The following NRXN2 variants were observed in gnomAD, a reference collection of about 807,000 sequenced individuals.
NRXN2 encodes neurexin 2.
A neutral mutation model predicts 128.8 loss-of-function variants in NRXN2; 29 were observed. The observed-to-expected ratio is 0.23, with a 90% CI of 0.17 to 0.31. The LOEUF (loss-of-function observed/expected upper bound fraction) is 0.31. Ranked by LOEUF, NRXN2 falls within the 10% of genes least tolerant of loss-of-function variation. NRXN2 has a pLI of 1.00. For synonymous variants in NRXN2, 1,098 were observed against 1,075.2 expected (o/e 1.02, Z -0.41); for missense variants, 1,881 against 2,452.6 (o/e 0.77, Z 4.92).
At position 64,713,662 on chromosome 11, in the gene NRXN2, G is replaced by T; in HGVS notation, c.38C>A (p.Pro13Gln). Residue 13 changes from proline (P) to glutamine (Q), a missense_variant, in exon 2 of 23, where the codon CCG becomes CAG. Physicochemically the swap from Pro to Gln is moderately conservative, Grantham distance 76. Around this residue, in one of 7 missense-constraint regions of NRXN2, gnomAD observed 997 missense variants for 1,240.8 expected, o/e 0.80. Coordinates refer to ENST00000265459, the MANE Select transcript of NRXN2 (RefSeq NM_015080.4). ...CGCCAGCAGCAGCAGCAACAGCAGC[G>T]GCGGCGGTGTCGGCCGCCACCGGCT... is the stretch of plus-strand genomic sequence containing the variant. ...SGSRWRPTPPPLLLLLLLALA... is the reference protein window; with the variant it reads ...SGSRWRPTPPQLLLLLLLALA... 8.4e-7 allele frequency: 1 copy of T among 1,194,752 alleles called. No individual in the cohort carries two copies. Among genetic ancestry groups the T allele is most frequent in the Non-Finnish European group, 1.0e-6 (1 of 963,500 alleles). The allele number at this position is 1,194,752 out of a possible 1,614,324, so 74.0% of individuals were successfully genotyped here.
At chr11:64,676,878 G>A (rs1416302343) in intron 7 of NRXN2, 115 bp downstream of exon 7, 2 of 801,924 alleles carry the variant, frequency 2.5e-6, no homozygotes, top group Non-Finnish European at 4.3e-6. Context: ...AAAAACAATT[G>A]GAAGAGCAAA....
intron 2 of NRXN2, among the ~76,000 whole-genome samples, chr11:64,702,139 G>A (rs2055541646): frequency 7.2e-6 from 1 of 139,840 alleles, no homozygotes; most frequent in African/African-American, 2.7e-5. Context: ...GGGGGGGTCA[G>A]CCCCCCACCC....
intron 2 of NRXN2, among the ~76,000 whole-genome samples, chr11:64,711,543 C>A (rs1310009795): frequency 6.6e-6 from 1 of 152,092 alleles, no homozygotes. Flanking sequence ...AGGACCCGCC[C>A]GCACTTCACC....
At chr11:64,699,992 A>C (rs2055107747) in intron 2 of NRXN2, among the ~76,000 whole-genome samples, 1 of 152,224 alleles carries the variant, frequency 6.6e-6, no homozygotes, top group Non-Finnish European at 1.5e-5. Context: ...AAGGTGAAAC[A>C]ACCAGGCTTG....
At position 64,607,778 on chromosome 11, in the gene NRXN2, C is replaced by G; in HGVS notation, c.4557G>C (p.Leu1519=). The change falls in exon 23 of 23, where the codon CTG becomes CTC. Residue 1519 remains leucine (L), a synonymous_variant. Transcript: ENST00000265459. ...DDEDFYTTFP[L]VTDRTTLLSP... ...ACAGGAGGGTGGTGCGGTCCGTGACCAGGGGAAAGGTGGTGTAAAAGTCCT... is the reference window on the plus strand; with the variant it reads ...ACAGGAGGGTGGTGCGGTCCGTGACGAGGGGAAAGGTGGTGTAAAAGTCCT... 1 of 1,594,642 alleles carries G rather than the reference C, an allele frequency of 6.3e-7. No homozygotes were observed. The highest frequency in any genetic ancestry group is 8.5e-7 in the Non-Finnish European group (1 of 1,171,210).
intron 21 of NRXN2, among the ~76,000 whole-genome samples, chr11:64,621,385 T>C (rs977627060): frequency 1.3e-5 from 2 of 152,024 alleles, no homozygotes; most frequent in Non-Finnish European, 2.9e-5. Context: ...TTGGGCATGG[T>C]GGGTACCCAG....
At chr11:64,629,517 G>A (rs2043559670) in intron 19 of NRXN2, among the ~76,000 whole-genome samples, 1 of 152,018 alleles carries the variant, frequency 6.6e-6, no homozygotes, top group Non-Finnish European at 1.5e-5. Context: ...CTCATTCTAA[G>A]GCTCTGTCTC....
intron 17 of NRXN2, chr11:64,642,901 G>T: frequency 9.7e-7 from 1 of 1,031,336 alleles, no homozygotes; most frequent in African/African-American, 1.7e-5. Context: ...CGAGCTCCGG[G>T]AGCGGGGTAG....
rs547443329 is a variant in NRXN2 at position 64,718,149 on chromosome 11, C to T, written c.-244-4206G>A. ...TTGCACTTGCTGACCTAGACCTGGG[C>T]CCTCCAACCTGACCAAAGGCCTCAG... On this transcript the variant is annotated intron_variant, in intron 1 of 22. Transcript: ENST00000265459. 4.0e-4 allele frequency among the ~76,000 whole-genome samples: 61 copies of T among 152,312 alleles called. No individual in the cohort carries two copies. In the South Asian group the frequency reaches 0.012, roughly 30 times the overall value.
chr11:64,677,122 G>T, intron 6 of NRXN2, 85 bp from the exon 7 acceptor site: 1 of 956,298 alleles, frequency 1.0e-6, no homozygotes, highest in Non-Finnish European at 1.6e-6. Context: ...AGAATGAAAA[G>T]AAAAGAAAAA....
intron 6 of NRXN2, among the ~76,000 whole-genome samples, chr11:64,680,500 G>A (rs950415452): frequency 6.6e-6 from 1 of 152,236 alleles, no homozygotes; most frequent in African/African-American, 2.4e-5. Context: ...TCACTTGGAG[G>A]CAGAGGAACA....
chr11:64,642,446 T>C (rs2045838603), intron 17 of NRXN2: 34 of 1,472,128 alleles, frequency 2.3e-5, no homozygotes, highest in Non-Finnish European at 3.0e-5. Flanking sequence ...CGTGCACAGC[T>C]GGGGTGGGGC....
At chr11:64,720,024 C>G (rs765488028) in intron 1 of NRXN2, among the ~76,000 whole-genome samples, 8 of 152,206 alleles carry the variant, frequency 5.3e-5, no homozygotes, top group Admixed American at 1.3e-4. Context: ...ATGCTTGTTA[C>G]TACTATCATT....
chr11:64,716,850 G>T (rs1232559820), intron 1 of NRXN2, among the ~76,000 whole-genome samples: 2 of 151,830 alleles, frequency 1.3e-5, no homozygotes, highest in African/African-American at 4.9e-5. Context: ...ATGGTCCCAG[G>T]AGGAGTGAGC....
chr11:64,693,053 A>C (rs983892239), intron 3 of NRXN2, among the ~76,000 whole-genome samples, 177 bp from the exon 4 acceptor site: 2 of 149,760 alleles, frequency 1.3e-5, no homozygotes, highest in Admixed American at 1.3e-4. Flanking sequence ...CATCGGGGGG[A>C]GCCCCAGCCC....
chr11:64,651,511 T>C lies in NRXN2; in HGVS notation c.2662A>G (p.Asn888Asp). The change falls in exon 14 of 23, where the codon AAT becomes GAT. Residue 888 changes from asparagine (N) to aspartate (D), a missense_variant. Coordinates refer to ENST00000265459, the MANE Select transcript of NRXN2 (RefSeq NM_015080.4). This position sits in a 1 kb window ranked among gnomAD's most constrained non-coding sequence, Gnocchi z 5.9. ...CACTGGTCCATGTAGGGCTGGCCAT[T>C]GAACACGAGCCCACTCAGATGCCCG... ...FIGHLSGLVF[N>D]GQPYMDQCKD... is the part of the protein sequence containing the mutation. 3.1e-6 allele frequency: 5 copies of C among 1,614,098 alleles called. No homozygotes were observed. The highest frequency in any genetic ancestry group is 4.2e-6 in the Non-Finnish European group (5 of 1,180,004).
intron 11 of NRXN2, among the ~76,000 whole-genome samples, chr11:64,654,213 G>A (rs1171497953): frequency 3.3e-5 from 5 of 152,092 alleles, no homozygotes; most frequent in Non-Finnish European, 5.9e-5. Context: ...TCTGGGCTCT[G>A]AGCTAAATGG....
intron 22 of NRXN2, among the ~76,000 whole-genome samples, chr11:64,611,684 C>T (rs1041062286): frequency 2.0e-5 from 3 of 152,188 alleles, no homozygotes; most frequent in Admixed American, 6.5e-5. Flanking sequence ...ACAGGCTCCT[C>T]GGGTCACCCT....
chr11:64,672,860 G>A (rs1356530300), intron 7 of NRXN2, among the ~76,000 whole-genome samples: 2 of 152,152 alleles, frequency 1.3e-5, no homozygotes, highest in African/African-American at 4.8e-5. Context: ...TGAACCAGCA[G>A]GCACAGCCCT....
Sources: allele counts gnomAD v4.1 joint callset (sites outside exome capture counted in the v4.1 genomes callset), GRCh38; gene constraint gnomAD v4.1.1; regional missense constraint gnomAD v4.1.1; non-coding constraint Gnocchi (gnomAD v3.1); transcripts MANE v1.5; gene names NCBI Gene and HGNC (gene_info 2026-07-23, HGNC 2026-07-21).